SLIT3: variants seen among roughly 807,000 people sequenced by gnomAD.
SLIT3 encodes slit homolog 3 protein.
In SLIT3, 68 loss-of-function variants were observed where a neutral mutation model predicts 184.0. The ratio of observed to expected loss-of-function variants is 0.37; its 90% CI spans 0.30 to 0.45. The LOEUF is 0.45. Ranked by LOEUF, SLIT3 falls within the 20% of genes least tolerant of loss-of-function variation. The probability of loss-of-function intolerance (pLI) is 1.00; values close to 1 mark genes in which losing one functional copy is unlikely to be tolerated. For missense variants in SLIT3, 1,707 were observed against 2,026.0 expected (o/e 0.84, Z 3.02); for synonymous variants, 831 against 828.6 (o/e 1.00, Z -0.05).
intron 4 of SLIT3, among the ~76,000 whole-genome samples, chr5:168,928,976 A>T (rs1489933239): frequency 6.6e-6 from 1 of 152,228 alleles, no homozygotes; most frequent in African/African-American, 2.4e-5. Context: ...AGACTCAATA[A>T]TGAATAATTA....
chr5:169,155,110 G>T (rs1426702700), intron 4 of SLIT3, among the ~76,000 whole-genome samples: 1 of 152,210 alleles, frequency 6.6e-6, no homozygotes, highest in Non-Finnish European at 1.5e-5. Context: ...ACAATAAGTT[G>T]CAGTTTTTGG....
chr5:168,841,551 A>C (rs796392355), intron 6 of SLIT3, among the ~76,000 whole-genome samples: 6 of 152,284 alleles, frequency 3.9e-5, no homozygotes, highest in African/African-American at 1.4e-4. Context: ...ATGAGGTTGA[A>C]GTGGGCAGAT....
intron 4 of SLIT3, among the ~76,000 whole-genome samples, chr5:168,920,133 G>C (rs1475495061): frequency 5.3e-5 from 8 of 152,256 alleles, no homozygotes; most frequent in African/African-American, 1.9e-4. Context: ...TTCTTTTTGG[G>C]ATATAAAGGC....
chr5:168,765,127 C>T (rs1411857790), intron 14 of SLIT3, among the ~76,000 whole-genome samples: 2 of 152,206 alleles, frequency 1.3e-5, no homozygotes, highest in Non-Finnish European at 2.9e-5. Context: ...GGAGGAAGAA[C>T]AGTTTGCTCT....
chr5:169,286,371 T>C (rs1486771531), intron 1 of SLIT3, among the ~76,000 whole-genome samples: 4 of 152,188 alleles, frequency 2.6e-5, no homozygotes, highest in African/African-American at 2.4e-5. Flanking sequence ...AGCTAATTAT[T>C]TGAGCCTTAA....
intron 4 of SLIT3, among the ~76,000 whole-genome samples, chr5:168,954,677 A>G (rs1762762409): frequency 6.6e-6 from 1 of 152,234 alleles, no homozygotes; most frequent in Non-Finnish European, 1.5e-5. Flanking sequence ...CCAAAGCCTA[A>G]GACCCTAGCA....
At chr5:169,077,852 AAAAAAAAAAGTGTCATTGT>A (rs1758807274) in intron 4 of SLIT3, among the ~76,000 whole-genome samples, 3 of 152,128 alleles carry the variant, frequency 2.0e-5, no homozygotes, top group Admixed American at 1.3e-4. Context: ...ACTAAAAAAA[AAAAAAAAAAGTGTCATTGT>A]AAAAAAATAT....
intron 7 of SLIT3, among the ~76,000 whole-genome samples, chr5:168,820,255 C>T (rs749560180): frequency 9.9e-5 from 15 of 152,128 alleles, no homozygotes; most frequent in Non-Finnish European, 1.9e-4. Flanking sequence ...TGTGCAGAGG[C>T]TCTTATCCCC....
rs139235079 is a variant in SLIT3, at chr5:169,138,943, G to A, written c.413+54536C>T. Among the ~76,000 whole-genome samples the A allele has an allele frequency of 1.4e-3, 217 of 152,350 alleles. 1 individual carries two copies. Among genetic ancestry groups the A allele is most frequent in the African/African-American group, 5.1e-3 (214 of 41,572 alleles). On this transcript the variant is annotated intron_variant, in intron 4 of 35. Transcript: ENST00000519560. ...GAGGTTGCTCATGACTGATGGCAGT[G>A]GACAACTGATGTCCACATCCAGCCC...
At chr5:168,898,300 AGAG>A (rs2113822443) in intron 4 of SLIT3, among the ~76,000 whole-genome samples, 1 of 152,150 alleles carries the variant, frequency 6.6e-6, no homozygotes, top group East Asian at 1.9e-4. Flanking sequence ...AGCGCCACTT[AGAG>A]GAGTGGCTGG....
At chr5:169,227,977 T>C (rs1764868837) in intron 3 of SLIT3, among the ~76,000 whole-genome samples, 1 of 152,158 alleles carries the variant, frequency 6.6e-6, no homozygotes, top group African/African-American at 2.4e-5. Flanking sequence ...AACTTTATCT[T>C]ATTTGATCCT....
chr5:169,293,863 A>G (rs969411605), intron 1 of SLIT3, among the ~76,000 whole-genome samples: 3 of 152,270 alleles, frequency 2.0e-5, no homozygotes, highest in Non-Finnish European at 2.9e-5. Context: ...TTGACAGGCC[A>G]GCAGTCACAG....
chr5:168,904,044 G>A (rs1224447614), intron 4 of SLIT3, among the ~76,000 whole-genome samples: 1 of 152,002 alleles, frequency 6.6e-6, no homozygotes, highest in Non-Finnish European at 1.5e-5. Context: ...GAGGCATGAG[G>A]TAAATACCTT....
intron 35 of SLIT3, among the ~76,000 whole-genome samples, chr5:168,669,388 T>C (rs1761161110): frequency 6.6e-6 from 1 of 152,166 alleles, no homozygotes; most frequent in Non-Finnish European, 1.5e-5. Context: ...CCCAGCGCCA[T>C]GGGAGTGCAG....
At chr5:168,769,619 C>T (rs1220222238) in intron 14 of SLIT3, among the ~76,000 whole-genome samples, 2 of 152,172 alleles carry the variant, frequency 1.3e-5, no homozygotes, top group Non-Finnish European at 2.9e-5. Flanking sequence ...ATGCAGGGCT[C>T]TGTGAACACT....
intron 7 of SLIT3, among the ~76,000 whole-genome samples, chr5:168,822,102 A>G (rs1757553605): frequency 6.6e-6 from 1 of 152,062 alleles, no homozygotes; most frequent in East Asian, 1.9e-4. Context: ...TTTTCTAACA[A>G]GTTCTGGGTG....
At chr5:169,196,475 G>T (rs537717922) in intron 3 of SLIT3, among the ~76,000 whole-genome samples, 1 of 152,318 alleles carries the variant, frequency 6.6e-6, no homozygotes, top group South Asian at 2.1e-4. Context: ...TGACAACAGT[G>T]ATGATAATGG....
chr5:169,160,175 A>G (rs1041608202), intron 4 of SLIT3, among the ~76,000 whole-genome samples: 5 of 152,210 alleles, frequency 3.3e-5, no homozygotes, highest in Admixed American at 6.5e-5. Flanking sequence ...TACTTACTGA[A>G]GGCTATTACA....
intron 3 of SLIT3, among the ~76,000 whole-genome samples, chr5:169,194,697 G>C (rs974766567): frequency 3.3e-5 from 5 of 152,218 alleles, no homozygotes; most frequent in Admixed American, 6.5e-5. Flanking sequence ...CAGGGACCAA[G>C]GTCTGGGCAT....
Sources: allele counts gnomAD v4.1 joint callset (sites outside exome capture counted in the v4.1 genomes callset), GRCh38; gene constraint gnomAD v4.1.1; transcripts MANE v1.5; gene names NCBI Gene and HGNC (gene_info 2026-07-23, HGNC 2026-07-21).